PAK5: variants seen among roughly 807,000 people sequenced by gnomAD.
PAK5 encodes the protein p21 (RAC1) activated kinase 5, also known as serine/threonine-protein kinase PAK 5.
A neutral mutation model predicts 65.9 loss-of-function variants in PAK5; 16 were observed. That is an observed-to-expected ratio of 0.24 (90% confidence interval 0.16 to 0.37). The LOEUF (loss-of-function observed/expected upper bound fraction) is 0.37. Ranked by LOEUF, PAK5 falls within the 10% of genes least tolerant of loss-of-function variation. The pLI is 1.00. For missense variants in PAK5, 785 were observed against 903.9 expected, an observed-to-expected ratio of 0.87 and a Z score of 1.69; for synonymous variants, 371 against 354.9, an observed-to-expected ratio of 1.05 and a Z score of -0.51.
intron 4 of PAK5, among the ~76,000 whole-genome samples, chr20:9,566,632 CT>C (rs1290424501): frequency 6.6e-6 from 1 of 152,054 alleles, no homozygotes; most frequent in African/African-American, 2.4e-5. Context: ...GCCCTATTTT[CT>C]TGTTCAGTAA....
At chr20:9,548,303 T>C (rs2045374874) in intron 7 of PAK5, among the ~76,000 whole-genome samples, 1 of 152,146 alleles carries the variant, frequency 6.6e-6, no homozygotes, top group African/African-American at 2.4e-5. Context: ...CTCTTAGGTA[T>C]ACATCAAGGG....
intron 6 of PAK5, among the ~76,000 whole-genome samples, chr20:9,559,007 C>G (rs2045554640): frequency 6.6e-6 from 1 of 152,184 alleles, no homozygotes; most frequent in Non-Finnish European, 1.5e-5. Flanking sequence ...GACTTTCCCA[C>G]TTTCCCATTT....
chr20:9,710,861 A>AATAT (rs1170123265), intron 2 of PAK5, among the ~76,000 whole-genome samples: 1 of 152,124 alleles, frequency 6.6e-6, no homozygotes, highest in East Asian at 1.9e-4. Flanking sequence ...CCAAACCTTG[A>AATAT]ATATATCCAC....
chr20:9,660,878 C>T (rs986637520), intron 2 of PAK5, among the ~76,000 whole-genome samples: 2 of 152,062 alleles, frequency 1.3e-5, no homozygotes, highest in Non-Finnish European at 2.9e-5. Context: ...GAAGTCAGGC[C>T]GCACAGGGCA....
chr20:9,717,970 T>C (rs1168314697), intron 1 of PAK5, among the ~76,000 whole-genome samples: 1 of 152,022 alleles, frequency 6.6e-6, no homozygotes, highest in Non-Finnish European at 1.5e-5. Context: ...TACTCCTATA[T>C]TGGGGATGTT....
At chr20:9,542,909 A>T (rs1214150387) in intron 8 of PAK5, among the ~76,000 whole-genome samples, 189 bp from the exon 9 acceptor site, 1 of 152,226 alleles carries the variant, frequency 6.6e-6, no homozygotes, top group East Asian at 1.9e-4. Flanking sequence ...CCTTTTATGG[A>T]CAACTTCAGT....
chr20:9,628,360 T>C (rs1388619212), intron 3 of PAK5, among the ~76,000 whole-genome samples: 2 of 152,200 alleles, frequency 1.3e-5, no homozygotes, highest in Non-Finnish European at 2.9e-5. Context: ...TCTTAAGCAA[T>C]ACATTGTCAC....
At chr20:9,650,381 T>C (rs888675754) in intron 2 of PAK5, among the ~76,000 whole-genome samples, 1 of 152,190 alleles carries the variant, frequency 6.6e-6, no homozygotes, top group Admixed American at 6.5e-5. Context: ...AGAACTTCCT[T>C]GTCTTTGGTT....
At position 9,647,565 on chromosome 20, in the gene PAK5, A is replaced by G. The variant is rs760340099; in HGVS notation, c.-11-3226T>C. Reference sequence around the variant, plus strand: ...TTTCCCAGTGGTTGCTATGCCACTCAATGAGAGCATTGAAAAGAAGATATC... The same window carrying G: ...TTTCCCAGTGGTTGCTATGCCACTCGATGAGAGCATTGAAAAGAAGATATC... On this transcript the variant is annotated intron_variant, in intron 2 of 9. Transcript: ENST00000353224. 5.2e-4 allele frequency among the ~76,000 whole-genome samples: 79 copies of G among 152,216 alleles called. 1 individual carries two copies. Among genetic ancestry groups the G allele is most frequent in the Admixed American group, 4.1e-3 (63 of 15,292 alleles).
intron 1 of PAK5, among the ~76,000 whole-genome samples, chr20:9,780,539 T>A (rs1041982769): frequency 6.6e-6 from 1 of 152,076 alleles, no homozygotes; most frequent in East Asian, 1.9e-4. Context: ...CATCAATATA[T>A]CTATTTTTAT....
At chr20:9,690,815 C>T (rs954181002) in intron 2 of PAK5, among the ~76,000 whole-genome samples, 5 of 138,652 alleles carry the variant, frequency 3.6e-5, no homozygotes, top group Non-Finnish European at 7.6e-5. Flanking sequence ...AGTGCAATGG[C>T]GCAATTAGGC....
At chr20:9,741,510 G>A (rs1367439251) in intron 1 of PAK5, among the ~76,000 whole-genome samples, 1 of 152,226 alleles carries the variant, frequency 6.6e-6, no homozygotes, top group African/African-American at 2.4e-5. Flanking sequence ...GGAGGAATGA[G>A]CTCAAGTCTC....
chr20:9,821,491 T>C (rs1295979138), intron 1 of PAK5, among the ~76,000 whole-genome samples: 1 of 152,170 alleles, frequency 6.6e-6, no homozygotes, highest in Non-Finnish European at 1.5e-5. Flanking sequence ...AACCTGAGTA[T>C]CCTATTGGCA....
intron 1 of PAK5, among the ~76,000 whole-genome samples, chr20:9,828,726 T>A (rs1248666213): frequency 6.6e-6 from 1 of 152,186 alleles, no homozygotes; most frequent in Non-Finnish European, 1.5e-5. Flanking sequence ...AGCTAAAGAA[T>A]TTCTTAAATA....
chr20:9,687,112 C>T (rs550297307), intron 2 of PAK5, among the ~76,000 whole-genome samples: 23 of 152,162 alleles, frequency 1.5e-4, no homozygotes, highest in Non-Finnish European at 2.5e-4. Context: ...CTGAAACCTC[C>T]AGCCTATCTT....
chr20:9,614,974 T>C (rs2046628848), intron 3 of PAK5, among the ~76,000 whole-genome samples: 1 of 152,352 alleles, frequency 6.6e-6, no homozygotes, highest in South Asian at 2.1e-4. Context: ...TGTTCAAAAT[T>C]ATTGTAGCCA....
chr20:9,791,195 T>C (rs1057172061), intron 1 of PAK5, among the ~76,000 whole-genome samples: 9 of 152,150 alleles, frequency 5.9e-5, no homozygotes, highest in African/African-American at 1.7e-4. Flanking sequence ...AGGCTAGATA[T>C]CACCTTTAAG....
chr20:9,804,606 A>G (rs1433482466), intron 1 of PAK5, among the ~76,000 whole-genome samples: 1 of 152,256 alleles, frequency 6.6e-6, no homozygotes, highest in East Asian at 1.9e-4. Context: ...CTAAAGCTAT[A>G]TAACTCTTAG....
chr20:9,609,141 T>TG (rs34885260), intron 3 of PAK5, among the ~76,000 whole-genome samples: 120,398 of 152,014 alleles, frequency 0.79, 48,276 homozygotes, highest in East Asian at 1. Flanking sequence ...CACATGATGC[T>TG]GGGTGGGAAG....
Sources: allele counts gnomAD v4.1 joint callset (sites outside exome capture counted in the v4.1 genomes callset), GRCh38; gene constraint gnomAD v4.1.1; transcripts MANE v1.5; gene names NCBI Gene and HGNC (gene_info 2026-07-23, HGNC 2026-07-21).